The following KLC1 variants were observed in gnomAD, a reference collection of about 807,000 sequenced individuals.
KLC1 encodes kinesin 2 60/70kDa.
In KLC1, 30 loss-of-function variants were observed where a neutral mutation model predicts 84.2. The observed-to-expected ratio is 0.36, with a 90% CI of 0.27 to 0.48. The LOEUF is 0.48. Ranked by LOEUF, KLC1 falls within the 20% of genes least tolerant of loss-of-function variation. The pLI is 0.99. For synonymous variants in KLC1, 289 were observed against 293.3 expected (o/e 0.99, Z 0.15); for missense variants, 499 against 805.4 (o/e 0.62, Z 4.60).
At chr14:103,678,056 C>T (rs1319080241) in intron 12 of KLC1, among the ~76,000 whole-genome samples, 1 of 151,698 alleles carries the variant, frequency 6.6e-6, no homozygotes, top group Non-Finnish European at 1.5e-5. Context: ...GGGTAGATTG[C>T]CTGAGGTCAG....
chr14:103,645,656 C>G (rs187689944), intron 1 of KLC1, among the ~76,000 whole-genome samples: 1 of 152,208 alleles, frequency 6.6e-6, no homozygotes, highest in East Asian at 1.9e-4. Context: ...GGCTAAAAAC[C>G]CATACAGTAT....
chr14:103,671,860 G>A (rs894164919), intron 7 of KLC1, among the ~76,000 whole-genome samples: 4 of 152,168 alleles, frequency 2.6e-5, no homozygotes, highest in Non-Finnish European at 4.4e-5. Flanking sequence ...GGTTGAATTT[G>A]GGGTGGGCTG....
At chr14:103,662,065 G>T (rs2079342586) in intron 3 of KLC1, 51 bp from the exon 4 acceptor site, 1 of 1,237,876 alleles carries the variant, frequency 8.1e-7, no homozygotes, top group Non-Finnish European at 1.2e-6. Context: ...TTCAGGACAG[G>T]ATGTGTATAG....
intron 9 of KLC1, among the ~76,000 whole-genome samples, chr14:103,673,784 G>A (rs1164585502): frequency 3.3e-5 from 5 of 152,176 alleles, no homozygotes; most frequent in Non-Finnish European, 7.3e-5. Flanking sequence ...TTAGCCGGGT[G>A]TGATGGCGGC....
intron 14 of KLC1, among the ~76,000 whole-genome samples, chr14:103,689,833 TTC>T (rs1446014508): frequency 6.6e-6 from 1 of 152,218 alleles, no homozygotes; most frequent in Non-Finnish European, 1.5e-5. Context: ...ATTCGAGTTG[TTC>T]TTTCGTTTCG....
Position 103,692,395 on chromosome 14 carries a change from G to C in KLC1, c.1818G>C (p.Val606=). ...CCAGCTCTCTGAATGTCCTTAACGT[G>C]GGTGGCAAGGCTGCTGAAGATCGCT... is the stretch of plus-strand genomic sequence containing the variant. ...KRASSLNVLN[V]GGKAAEDRFQ... The change falls in exon 15 of 17, where the codon GTG becomes GTC. Residue 606 remains valine (V), a synonymous_variant. Transcript: ENST00000334553. 1 of 1,536,660 alleles carries C rather than the reference G, an allele frequency of 6.5e-7. No homozygotes were observed. The highest frequency in any genetic ancestry group is 8.7e-7 in the Non-Finnish European group (1 of 1,147,020).
intron 7 of KLC1, among the ~76,000 whole-genome samples, chr14:103,670,633 G>A (rs149066850): frequency 6.6e-6 from 1 of 151,586 alleles, no homozygotes; most frequent in Non-Finnish European, 1.5e-5. Flanking sequence ...TGTGCCCGGC[G>A]CTGTTTTTTG....
rs369793761 is a variant in KLC1, at chr14:103,679,384, G to C, written c.1489G>C (p.Gly497Arg). The change falls in exon 13 of 17, where the codon GGT becomes CGT. Residue 497 changes from glycine to arginine, a missense_variant and splice_region_variant. By Grantham distance (125) the Gly-to-Arg change is moderately radical. This residue lies in a region of KLC1 where 167 missense variants were observed against 208.8 expected (regional missense o/e 0.80). Coordinates refer to ENST00000334553, the MANE Select transcript of KLC1 (RefSeq NM_001394837.1). ...CCATTTTCCCCTGCCTGGCTCACAG[G>C]GTCTTGACAATGTTCACAAACAGAG... ...EEAAMRSRKQGLDNVHKQRVA... is the reference protein window; with the variant it reads ...EEAAMRSRKQRLDNVHKQRVA... The C allele has an allele frequency of 6.2e-7, 1 of 1,613,662 alleles. No individual in the cohort carries two copies. The highest frequency in any genetic ancestry group is 1.3e-5 in the African/African-American group (1 of 74,786).
Position 103,654,611 on chromosome 14 carries a change from T to G in KLC1, c.47T>G (p.Leu16Trp), listed in dbSNP as rs2078706303. The G allele has an allele frequency of 6.2e-7, 1 of 1,614,072 alleles. No homozygotes were observed. Among genetic ancestry groups the G allele is most frequent in the African/African-American group, 1.3e-5 (1 of 75,064 alleles). Residue 16 changes from leucine to tryptophan, a missense_variant, in exon 2 of 17, where the codon TTG becomes TGG. Transcript: ENST00000334553. ...STMVYIKEDKLEKLTQDEIIS... is the reference protein window; with the variant it reads ...STMVYIKEDKWEKLTQDEIIS... ...ATGGTGTACATAAAGGAAGACAAGTTGGAGAAGCTTACACAGGATGAAATT... is the reference window on the plus strand; with the variant it reads ...ATGGTGTACATAAAGGAAGACAAGTGGGAGAAGCTTACACAGGATGAAATT...
chr14:103,674,894 C>T (rs2151715569), intron 9 of KLC1, among the ~76,000 whole-genome samples: 1 of 152,298 alleles, frequency 6.6e-6, no homozygotes, highest in Middle Eastern at 3.4e-3. Context: ...GACAGTTGCT[C>T]ACCTGTCTCA....
chr14:103,697,185 G>A, intron 15 of KLC1: 1 of 939,996 alleles, frequency 1.1e-6, no homozygotes, highest in Non-Finnish European at 1.3e-6. Context: ...AGGCTGTTTT[G>A]TAAAAATCCA....
chr14:103,670,901 T>G (rs949492089), intron 7 of KLC1, among the ~76,000 whole-genome samples: 3 of 151,354 alleles, frequency 2.0e-5, no homozygotes, highest in Non-Finnish European at 4.4e-5. Flanking sequence ...CTGGGTAACA[T>G]AGTGAGACCT....
intron 15 of KLC1, chr14:103,696,584 G>C (rs2082542557): frequency 1.0e-6 from 1 of 985,488 alleles, no homozygotes; most frequent in Middle Eastern, 5.2e-4. Context: ...GCTGTGGTCA[G>C]ATTTCTGAAT....
intron 1 of KLC1, among the ~76,000 whole-genome samples, chr14:103,653,056 A>G (rs555508622): frequency 6.6e-6 from 1 of 152,140 alleles, no homozygotes; most frequent in East Asian, 1.9e-4. Context: ...CTGTCAGTCC[A>G]TCCATTCACT....
intron 15 of KLC1, chr14:103,695,403 G>C: frequency 1.0e-6 from 1 of 982,676 alleles, no homozygotes; most frequent in Non-Finnish European, 1.2e-6. Flanking sequence ...GTTGTGAGAA[G>C]CCAACCCCCC....
chr14:103,638,252 G>A (rs149234403), intron 1 of KLC1, among the ~76,000 whole-genome samples: 65 of 152,132 alleles, frequency 4.3e-4, no homozygotes, highest in Non-Finnish European at 6.9e-4. Flanking sequence ...TGCTACCCTC[G>A]TCTGTATTCA....
intron 1 of KLC1, among the ~76,000 whole-genome samples, chr14:103,641,432 C>T (rs143941204): frequency 2.2e-3 from 331 of 151,998 alleles, no homozygotes; most frequent in Non-Finnish European, 3.8e-3. Context: ...TAGTGACTCA[C>T]GAACAACACA....
intron 5 of KLC1, among the ~76,000 whole-genome samples, chr14:103,664,647 TG>T (rs1265910933): frequency 1.3e-5 from 2 of 151,976 alleles, no homozygotes; most frequent in African/African-American, 2.4e-5. Context: ...CCTGAGTAGC[TG>T]GGACCACAGG....
chr14:103,690,585 C>G (rs2082046201), intron 14 of KLC1, among the ~76,000 whole-genome samples: 1 of 152,162 alleles, frequency 6.6e-6, no homozygotes, highest in African/African-American at 2.4e-5. Context: ...GCCTCAGCCT[C>G]ACAGCCACCG....
Sources: gnomAD v4.1 joint callset for allele counts (sites outside exome capture counted in the v4.1 genomes callset) on GRCh38, gnomAD v4.1.1 for gene constraint, gnomAD v4.1.1 regional missense constraint, MANE v1.5 for transcripts, NCBI Gene and HGNC (gene_info 2026-07-23, HGNC 2026-07-21) for gene names.